Variants in TMEM17 observed in about 807,000 individuals in gnomAD.
TMEM17 encodes transmembrane protein 17.
TMEM17 carries 15 observed loss-of-function variants against 19.1 expected under a neutral mutation model. The observed-to-expected ratio is 0.78, with a 90% CI of 0.52 to 1.21. The LOEUF (loss-of-function observed/expected upper bound fraction) is 1.21, where lower values mean the gene tolerates loss of function less well. TMEM17 is among the 50% of genes most tolerant of loss of function. The pLI is 0.00. For missense variants in TMEM17, 245 were observed against 242.3 expected, an observed-to-expected ratio of 1.01 and a Z score of -0.07; for synonymous variants, 103 against 86.9, an observed-to-expected ratio of 1.19 and a Z score of -1.03.
chr2:62,490,706 C>G, the TMEM17 span, among the ~76,000 whole-genome samples: 9 of 152,118 alleles, frequency 5.9e-5, no homozygotes, highest in African/African-American at 2.2e-4. Flanking sequence ...CAATGGTTTT[C>G]TTACTTTTTA....
chr2:62,459,042 C>T, the TMEM17 span, among the ~76,000 whole-genome samples: 1 of 152,162 alleles, frequency 6.6e-6, no homozygotes, highest in African/African-American at 2.4e-5. Context: ...GGATAAATAT[C>T]CAGGAGTATA....
At chr2:62,459,971 T>C in the TMEM17 span, among the ~76,000 whole-genome samples, 1 of 152,190 alleles carries the variant, frequency 6.6e-6, no homozygotes. Context: ...TTTTCTCAGG[T>C]CCTGATGAAA....
At chr2:62,469,077 C>T in the TMEM17 span, among the ~76,000 whole-genome samples, 2 of 152,212 alleles carry the variant, frequency 1.3e-5, no homozygotes, top group South Asian at 4.1e-4. Flanking sequence ...AGGAAATGTA[C>T]AAATGCATTT....
chr2:62,463,346 C>A, the TMEM17 span: 2 of 152,200 alleles, frequency 1.3e-5, no homozygotes, highest in Non-Finnish European at 2.9e-5. Flanking sequence ...GCTGTAGTAT[C>A]TTGTCTATAA....
the TMEM17 span, among the ~76,000 whole-genome samples, chr2:62,481,719 G>A: frequency 1.3e-5 from 2 of 151,776 alleles, no homozygotes; most frequent in African/African-American, 2.4e-5. Flanking sequence ...GTGTGTGTGT[G>A]TGTGTGTGTG....
the TMEM17 span, among the ~76,000 whole-genome samples, chr2:62,460,312 G>C: frequency 6.6e-6 from 1 of 152,320 alleles, no homozygotes; most frequent in Admixed American, 6.5e-5. Flanking sequence ...TGCAGCAGTT[G>C]AGTAGCTGAG....
the TMEM17 span, among the ~76,000 whole-genome samples, chr2:62,494,402 G>C: frequency 1.3e-5 from 2 of 151,852 alleles, no homozygotes; most frequent in South Asian, 4.2e-4. Flanking sequence ...AACTATTGAA[G>C]CAAAGTCCTA....
chr2:62,502,880 T>C (rs1168448409), intron 1 of TMEM17, 86 bp from the exon 2 acceptor site: 3 of 726,282 alleles, frequency 4.1e-6, no homozygotes, highest in Non-Finnish European at 6.2e-6. Context: ...AATTAATAAC[T>C]ATAATATTGG....
the TMEM17 span, among the ~76,000 whole-genome samples, chr2:62,454,764 C>T: frequency 9.9e-5 from 15 of 152,120 alleles, no homozygotes; most frequent in African/African-American, 3.4e-4. Flanking sequence ...AGTGCAGTGG[C>T]ACGATCTCAG....
chr2:62,479,237 C>A, the TMEM17 span, among the ~76,000 whole-genome samples: 1 of 152,192 alleles, frequency 6.6e-6, no homozygotes, highest in Non-Finnish European at 1.5e-5. Flanking sequence ...CCCTTCTCAG[C>A]CTCTGGTATC....
the TMEM17 span, chr2:62,463,795 C>T: frequency 2.6e-5 from 4 of 152,220 alleles, no homozygotes; most frequent in African/African-American, 7.2e-5. Flanking sequence ...CCTAAATCAC[C>T]CATGGCCCTG....
chr2:62,453,648 C>G, the TMEM17 span, among the ~76,000 whole-genome samples: 4 of 152,326 alleles, frequency 2.6e-5, no homozygotes, highest in African/African-American at 9.6e-5. Context: ...TAAACAAAAA[C>G]CTCTGTAGAC....
downstream of TMEM17, among the ~76,000 whole-genome samples, chr2:62,495,697 C>T (rs921166685): frequency 6.6e-6 from 1 of 152,168 alleles, no homozygotes; most frequent in East Asian, 1.9e-4. Context: ...GCCTACTTTG[C>T]TATGCAAAAG....
At chr2:62,485,803 C>T in the TMEM17 span, among the ~76,000 whole-genome samples, 1 of 152,222 alleles carries the variant, frequency 6.6e-6, no homozygotes, top group African/African-American at 2.4e-5. Flanking sequence ...TTATGCTTGT[C>T]TCATGTTCAG....
At chr2:62,487,930 G>A in the TMEM17 span, among the ~76,000 whole-genome samples, 1 of 152,184 alleles carries the variant, frequency 6.6e-6, no homozygotes, top group East Asian at 1.9e-4. Flanking sequence ...CCTGACCTGA[G>A]GTGATCCGCC....
chr2:62,479,889 CAA>C, the TMEM17 span, among the ~76,000 whole-genome samples: 2,214 of 68,776 alleles, frequency 0.032, 18 homozygotes, highest in African/African-American at 0.084. Flanking sequence ...AGACCTGTCT[CAA>C]AAAAAAAAAA....
At chr2:62,490,831 C>T in the TMEM17 span, among the ~76,000 whole-genome samples, 13 of 152,084 alleles carry the variant, frequency 8.5e-5, no homozygotes, top group Non-Finnish European at 1.9e-4. Context: ...AATCCTGTCA[C>T]TTTGGGAGGC....
chr2:62,469,535 A>T, the TMEM17 span, among the ~76,000 whole-genome samples: 3 of 152,220 alleles, frequency 2.0e-5, no homozygotes, highest in Non-Finnish European at 4.4e-5. Flanking sequence ...TCTTCTCCTC[A>T]CTTTCAGAGC....
chr2:62,490,877 G>C, the TMEM17 span, among the ~76,000 whole-genome samples: 7 of 152,048 alleles, frequency 4.6e-5, no homozygotes, highest in East Asian at 9.7e-4. Flanking sequence ...AGGAGTTTGA[G>C]ACCAGCCTGA....
Sources: gnomAD v4.1 joint callset for allele counts (sites outside exome capture counted in the v4.1 genomes callset) on GRCh38, gnomAD v4.1.1 for gene constraint, MANE v1.5 for transcripts, NCBI Gene and HGNC (gene_info 2026-07-23, HGNC 2026-07-21) for gene names.